SFMBT2: variants seen among roughly 807,000 people sequenced by gnomAD.
The protein encoded by SFMBT2 is Scm like with four mbt domains 2.
SFMBT2 carries 38 observed loss-of-function variants against 110.1 expected under a neutral mutation model. The ratio of observed to expected loss-of-function variants is 0.35; its 90% CI spans 0.27 to 0.45. The LOEUF (loss-of-function observed/expected upper bound fraction) is 0.45, where lower values mean the gene tolerates loss of function less well. Among genes scored for constraint, SFMBT2 ranks in the 20% least tolerant of loss-of-function variants. The pLI is 1.00. For missense variants in SFMBT2, 1,011 were observed against 1,094.9 expected, an observed-to-expected ratio of 0.92 and a Z score of 1.08; for synonymous variants, 425 against 425.4, an observed-to-expected ratio of 1.00 and a Z score of 0.01.
chr10:7,393,191 T>C (rs1234050148), intron 1 of SFMBT2, among the ~76,000 whole-genome samples: 1 of 151,538 alleles, frequency 6.6e-6, no homozygotes, highest in Non-Finnish European at 1.5e-5. Flanking sequence ...TAACCACACC[T>C]GGCTAATGTT....
chr10:7,258,365 T>C (rs1841096421), intron 7 of SFMBT2, among the ~76,000 whole-genome samples: 1 of 152,164 alleles, frequency 6.6e-6, no homozygotes, highest in Admixed American at 6.5e-5. Context: ...TAAAATAAAA[T>C]AGACAAAAAA....
chr10:7,206,430 G>C, intron 11 of SFMBT2: 1 of 985,422 alleles, frequency 1.0e-6, no homozygotes. Flanking sequence ...CAGCTAAACG[G>C]AACCAGTCAA....
At position 7,160,120 on chromosome 10, in the gene SFMBT2, T is replaced by C. The variant is rs1324535571; in HGVS notation, c.*3650A>G. 6.6e-6 allele frequency: 1 copy of C among 152,234 alleles called. No individual in the cohort carries two copies. Among genetic ancestry groups the C allele is most frequent in the Admixed American group, 6.5e-5 (1 of 15,276 alleles). The allele number at this position is 152,234 out of a possible 1,614,324, so 9.4% of individuals were successfully genotyped here. ...CAGAAGCCGTGCAGCTCAAATACTG[T>C]GTCTGACTCCAACTTGGATCAAATG... On this transcript the variant is annotated 3_prime_UTR_variant, in exon 21 of 21. Coordinates refer to ENST00000397167, the MANE Select transcript of SFMBT2 (RefSeq NM_001387889.1).
intron 11 of SFMBT2, among the ~76,000 whole-genome samples, chr10:7,216,755 C>T (rs1839556067): frequency 6.6e-6 from 1 of 152,188 alleles, no homozygotes; most frequent in Non-Finnish European, 1.5e-5. Flanking sequence ...TGCCTCCTCA[C>T]CTGGAATCCC....
intron 7 of SFMBT2, among the ~76,000 whole-genome samples, chr10:7,275,012 C>T (rs1020580774): frequency 9.2e-5 from 14 of 152,164 alleles, no homozygotes; most frequent in Admixed American, 6.5e-5. Flanking sequence ...GTGCCCACTT[C>T]CCATCCTGTC....
intron 7 of SFMBT2, among the ~76,000 whole-genome samples, chr10:7,265,375 T>A (rs1195734569): frequency 6.6e-6 from 1 of 152,156 alleles, no homozygotes; most frequent in Non-Finnish European, 1.5e-5. Flanking sequence ...CTAATTTTTG[T>A]ATATTGTGTA....
chr10:7,366,859 G>A (rs1844922971), intron 4 of SFMBT2, among the ~76,000 whole-genome samples: 1 of 152,144 alleles, frequency 6.6e-6, no homozygotes, highest in Non-Finnish European at 1.5e-5. Flanking sequence ...TAGCATCATC[G>A]CTGGCCTCCA....
Position 7,172,456 on chromosome 10 carries a change from C to A in SFMBT2, c.2151+39G>T, listed in dbSNP as rs373469070. 2.3e-4 allele frequency: 367 copies of A among 1,612,220 alleles called. No homozygotes were observed. The highest frequency in any genetic ancestry group is 2.9e-4 in the Non-Finnish European group (337 of 1,179,880). On this transcript the variant is annotated intron_variant, in intron 18 of 20. Transcript: ENST00000397167. This position sits in a 1 kb window ranked among gnomAD's most constrained non-coding sequence, Gnocchi z 4.6. ...ACACTTGCCGGCCAGGGCCAGATGA[C>A]AGAGCTACAGGCTGGCAGGTGCCCC...
intron 20 of SFMBT2, among the ~76,000 whole-genome samples, chr10:7,169,996 C>G (rs115211409): frequency 0.013 from 2,039 of 152,302 alleles, 45 homozygotes; most frequent in African/African-American, 0.047. Context: ...ACGAAAGCAG[C>G]ATTCAGTACG....
chr10:7,215,184 T>G (rs1483783018), intron 11 of SFMBT2, among the ~76,000 whole-genome samples: 1 of 152,198 alleles, frequency 6.6e-6, no homozygotes, highest in Non-Finnish European at 1.5e-5. Context: ...GCAGATCACT[T>G]GAGCCCAGGA....
intron 10 of SFMBT2, among the ~76,000 whole-genome samples, chr10:7,227,558 G>C (rs1057450163): frequency 6.6e-6 from 1 of 152,162 alleles, no homozygotes; most frequent in Non-Finnish European, 1.5e-5. Context: ...TCACCATAAT[G>C]AGAACCACCT....
intron 4 of SFMBT2, chr10:7,348,230 G>C (rs942688480): frequency 4.2e-6 from 6 of 1,441,128 alleles, no homozygotes; most frequent in Non-Finnish European, 5.6e-6. Flanking sequence ...GTTCGTGTGG[G>C]ATCGGGGAGT....
At chr10:7,349,226 C>T (rs1844221185) in intron 4 of SFMBT2, among the ~76,000 whole-genome samples, 2 of 152,040 alleles carry the variant, frequency 1.3e-5, no homozygotes, top group Admixed American at 1.3e-4. Flanking sequence ...CTGTTCTGCT[C>T]GATCTCCAAA....
chr10:7,405,765 C>T (rs904352531), intron 1 of SFMBT2, among the ~76,000 whole-genome samples: 41 of 152,024 alleles, frequency 2.7e-4, no homozygotes, highest in African/African-American at 9.9e-4. Context: ...AGATGACTCA[C>T]TTGTCCCAGA....
At chr10:7,380,338 G>A (rs923862961) in intron 2 of SFMBT2, among the ~76,000 whole-genome samples, 2 of 152,188 alleles carry the variant, frequency 1.3e-5, no homozygotes, top group African/African-American at 4.8e-5. Flanking sequence ...AGCCGATTTG[G>A]AAACAGATAC....
intron 15 of SFMBT2, chr10:7,189,136 G>T (rs1289083107): frequency 1.0e-6 from 1 of 984,348 alleles, no homozygotes; most frequent in Non-Finnish European, 1.2e-6. Context: ...AGGAACTAAT[G>T]AAACGGAGAC....
intron 9 of SFMBT2, among the ~76,000 whole-genome samples, chr10:7,237,247 T>C (rs1318914729): frequency 6.6e-6 from 1 of 152,202 alleles, no homozygotes; most frequent in Non-Finnish European, 1.5e-5. Flanking sequence ...GGGGATCACT[T>C]GCAATAGGGA....
chr10:7,403,495 A>G (rs1028846646), intron 1 of SFMBT2, among the ~76,000 whole-genome samples: 2 of 151,854 alleles, frequency 1.3e-5, no homozygotes, highest in Admixed American at 6.6e-5. Context: ...ACAGAAAATT[A>G]GCTGGGTGTG....
At chr10:7,229,551 C>G (rs189784639) in intron 9 of SFMBT2, among the ~76,000 whole-genome samples, 1 of 145,898 alleles carries the variant, frequency 6.9e-6, no homozygotes, top group East Asian at 2.1e-4. Context: ...GCCGAGATCT[C>G]CCCACTGCAC....
Sources: allele counts gnomAD v4.1 joint callset (sites outside exome capture counted in the v4.1 genomes callset), GRCh38; gene constraint gnomAD v4.1.1; non-coding constraint Gnocchi (gnomAD v3.1); transcripts MANE v1.5; gene names NCBI Gene and HGNC (gene_info 2026-07-23, HGNC 2026-07-21).